Variants in PCDH15 observed in about 807,000 individuals in gnomAD.
PCDH15 encodes the protein protocadherin-15.
In PCDH15, 129 loss-of-function variants were observed where a neutral mutation model predicts 178.5. That is an observed-to-expected ratio of 0.72 (90% CI 0.63 to 0.84). The LOEUF (loss-of-function observed/expected upper bound fraction) is 0.84, where lower values mean the gene tolerates loss of function less well. Among genes scored for constraint, PCDH15 ranks in the 40% least tolerant of loss-of-function variants. PCDH15 has a pLI of 0.00. For synonymous variants in PCDH15, 800 were observed against 732.0 expected (o/e 1.09, Z -1.50); for missense variants, 2,230 against 2,099.9 (o/e 1.06, Z -1.21).
At chr10:54,651,901 A>C (rs1199957680) in intron 2 of PCDH15, among the ~76,000 whole-genome samples, 1 of 152,148 alleles carries the variant, frequency 6.6e-6, no homozygotes, top group Non-Finnish European at 1.5e-5. Context: ...ATGCAATGTG[A>C]CAAAGGTGTA....
chr10:55,392,975 G>A (rs1837833104), intron 2 of PCDH15, among the ~76,000 whole-genome samples: 1 of 122,854 alleles, frequency 8.1e-6, no homozygotes, highest in Admixed American at 8.2e-5. Context: ...AAGAACTAAA[G>A]TGTATGTGTG....
chr10:54,465,195 A>G (rs1175184861), intron 3 of PCDH15, among the ~76,000 whole-genome samples: 1 of 152,128 alleles, frequency 6.6e-6, no homozygotes, highest in East Asian at 1.9e-4. Flanking sequence ...CGCGTATAAC[A>G]TGTAATGATC....
At chr10:55,240,667 T>C (rs766268004) in intron 1 of PCDH15, among the ~76,000 whole-genome samples, 1 of 152,232 alleles carries the variant, frequency 6.6e-6, no homozygotes, top group Non-Finnish European at 1.5e-5. Context: ...TATGTTTCTC[T>C]GTTTCTTACT....
At position 53,804,373 on chromosome 10, in the gene PCDH15, T is replaced by C. The variant is rs567686252; in HGVS notation, c.*2206A>G. The C allele has an allele frequency of 2.6e-5, 4 of 152,124 alleles. No homozygotes were observed. The highest frequency in any genetic ancestry group is 2.1e-4 in the South Asian group (1 of 4,828). 9.4% of individuals were successfully genotyped at this position (152,124 alleles called of 1,614,324 possible). On this transcript the variant is annotated 3_prime_UTR_variant, in exon 38 of 38. Coordinates refer to ENST00000644397, the MANE Select transcript of PCDH15 (RefSeq NM_001384140.1). ...GCCAACATCATATTTCCAAATCTAC[T>C]GGTAACCAAAGAAAGCGTCTAAGAG...
In PCDH15 at chr10:54,165,070, A is replaced by G. The variant is rs561756879; in HGVS notation, c.1591-11777T>C. Among the ~76,000 whole-genome samples, 22 of 152,328 alleles carry G rather than the reference A, an allele frequency of 1.4e-4. No individual in the cohort carries two copies. In the South Asian group the frequency reaches 1.4e-3, roughly 10 times the overall value. ...TGTTTGTTGATTTCTTCATGTGTCA[A>G]TAACATTCAGGAAGTTCTTCAATAA... On this transcript the variant is annotated intron_variant, in intron 13 of 37. Coordinates refer to ENST00000644397, the MANE Select transcript of PCDH15 (RefSeq NM_001384140.1).
At chr10:55,140,236 C>A (rs923783979) in intron 2 of PCDH15, among the ~76,000 whole-genome samples, 2 of 151,736 alleles carry the variant, frequency 1.3e-5, no homozygotes, top group Admixed American at 6.6e-5. Flanking sequence ...TGGCTTATTG[C>A]ACTAGCTAGA....
rs199628621 is a variant in PCDH15 at position 55,335,033 on chromosome 10, TAA to T, written c.-155-168384_-155-168383del. 3.4e-3 allele frequency among the ~76,000 whole-genome samples: 512 copies of T among 152,316 alleles called. 10 individuals carry two copies. The highest frequency in any genetic ancestry group is 0.024 in the Admixed American group (373 of 15,292). ...TTTATATTTAGGTAGTCAAAACATT[TAA>T]AGAGTGGATTGCAATCTGCTATGGG... On this transcript the variant is annotated intron_variant, in intron 2 of 5. Transcript: ENST00000613346.
chr10:55,067,778 T>C (rs1841604649), intron 2 of PCDH15, among the ~76,000 whole-genome samples: 1 of 151,914 alleles, frequency 6.6e-6, no homozygotes, highest in South Asian at 2.1e-4. Context: ...TTAATAACAG[T>C]CATTGCAACT....
chr10:55,055,468 CT>C (rs1321244586), intron 2 of PCDH15, among the ~76,000 whole-genome samples: 6 of 152,228 alleles, frequency 3.9e-5, no homozygotes, highest in African/African-American at 1.2e-4. Flanking sequence ...CTGCTTACCC[CT>C]ACTGCACATT....
At chr10:54,206,324 C>T (rs985035218) in intron 10 of PCDH15, among the ~76,000 whole-genome samples, 15 of 152,070 alleles carry the variant, frequency 9.9e-5, no homozygotes, top group African/African-American at 1.7e-4. Context: ...CACTTATCAC[C>T]GACATGTTGA....
chr10:55,502,877 T>C (rs963675364), intron 2 of PCDH15, among the ~76,000 whole-genome samples: 5 of 151,692 alleles, frequency 3.3e-5, no homozygotes, highest in Admixed American at 6.6e-5. Flanking sequence ...AGTTCCAATA[T>C]TAAGAAACAG....
At chr10:55,267,697 A>T (rs1441971575) in intron 1 of PCDH15, among the ~76,000 whole-genome samples, 1 of 152,196 alleles carries the variant, frequency 6.6e-6, no homozygotes. Context: ...TGTTTCAAAA[A>T]TGGTTATGAC....
In PCDH15 at chr10:54,849,036, AT is replaced by A. The variant is rs1190018673; in HGVS notation, c.-29+48413del. ...CATATCTTAATTTGTTATCTATAAA[AT>A]TTAAAAAAAATTACGTTGAATAATT... On this transcript the variant is annotated intron_variant, in intron 3 of 5. Transcript: ENST00000458638. Among the ~76,000 whole-genome samples, 12 of 146,982 alleles carry A rather than the reference AT, an allele frequency of 8.2e-5. No homozygotes were observed. In the South Asian group the frequency reaches 2.4e-3, roughly 29 times the overall value.
chr10:55,348,165 A>G (rs1193104750), intron 2 of PCDH15, among the ~76,000 whole-genome samples: 1 of 152,140 alleles, frequency 6.6e-6, no homozygotes, highest in Non-Finnish European at 1.5e-5. Flanking sequence ...TTCCAATATT[A>G]TAGACATTTA....
At chr10:54,839,725 A>G (rs1008381696) in intron 3 of PCDH15, among the ~76,000 whole-genome samples, 2 of 152,172 alleles carry the variant, frequency 1.3e-5, no homozygotes, top group African/African-American at 4.8e-5. Context: ...TCAAATTGCC[A>G]AATGTTAGAC....
At chr10:55,221,214 T>C (rs1200619741) in intron 1 of PCDH15, among the ~76,000 whole-genome samples, 2 of 152,028 alleles carry the variant, frequency 1.3e-5, no homozygotes, top group Non-Finnish European at 2.9e-5. Flanking sequence ...GCAAAATTAG[T>C]CTATGGTGAC....
intron 2 of PCDH15, among the ~76,000 whole-genome samples, chr10:55,052,603 T>A (rs967117148): frequency 1.9e-4 from 25 of 132,096 alleles, no homozygotes; most frequent in Middle Eastern, 4.0e-3. Context: ...TCCCAGCTAC[T>A]CACTAGGGAG....
intron 27 of PCDH15, among the ~76,000 whole-genome samples, chr10:53,861,233 G>A (rs2079089670): frequency 6.6e-6 from 1 of 151,976 alleles, no homozygotes; most frequent in African/African-American, 2.4e-5. Context: ...CCAGAAATTT[G>A]CATGTCAGTT....
intron 3 of PCDH15, among the ~76,000 whole-genome samples, chr10:54,488,653 G>T (rs778759600): frequency 6.6e-6 from 1 of 151,856 alleles, no homozygotes; most frequent in Non-Finnish European, 1.5e-5. Context: ...GAAAGATAAT[G>T]CACTTTTGTT....
Sources: gnomAD v4.1 joint callset for allele counts (sites outside exome capture counted in the v4.1 genomes callset) on GRCh38, gnomAD v4.1.1 for gene constraint, MANE v1.5 for transcripts, NCBI Gene and HGNC (gene_info 2026-07-23, HGNC 2026-07-21) for gene names.